Variants in IL1RAPL1 observed in about 807,000 individuals in gnomAD.
IL1RAPL1 encodes the protein interleukin-1 receptor accessory protein-like 1.
In IL1RAPL1, 3 loss-of-function variants were observed where a neutral mutation model predicts 48.4. The ratio of observed to expected loss-of-function variants is 0.06; its 90% CI spans 0.03 to 0.16. The LOEUF (loss-of-function observed/expected upper bound fraction) is 0.16, where lower values mean the gene tolerates loss of function less well. IL1RAPL1 is among the 10% of genes least tolerant of loss of function. The pLI, the probability that IL1RAPL1 is intolerant of heterozygous loss-of-function variation, is 1.00. For missense variants in IL1RAPL1, 349 were observed against 530.6 expected, an observed-to-expected ratio of 0.66 and a Z score of 3.36; for synonymous variants, 185 against 187.7, an observed-to-expected ratio of 0.99 and a Z score of 0.12.
chrX:29,799,177 G>A lies in IL1RAPL1; in HGVS notation c.779-118287G>A, dbSNP rs777851709. Reference sequence around the variant, plus strand: ...GAATTATTTAATAGAACAATTAAAAGTCAATACAAATGAAACAGCTACTTG... The same window carrying A: ...GAATTATTTAATAGAACAATTAAAAATCAATACAAATGAAACAGCTACTTG... On this transcript the variant is annotated intron_variant, in intron 6 of 10. Transcript: ENST00000378993. Among the ~76,000 whole-genome samples the A allele has an allele frequency of 2.0e-4, 23 of 112,387 alleles. 1 individual carries two copies. The South Asian group carries it at 6.2e-3, about 30-fold the overall frequency.
At chrX:28,645,202 T>C (rs2146900745) in intron 1 of IL1RAPL1, among the ~76,000 whole-genome samples, 1 of 106,002 alleles carries the variant, frequency 9.4e-6, no homozygotes, top group East Asian at 3.0e-4. Context: ...ACAAAATTAG[T>C]CGGGTATGGT....
chrX:29,571,058 A>T (rs1922577284), intron 5 of IL1RAPL1, among the ~76,000 whole-genome samples: 1 of 110,694 alleles, frequency 9.0e-6, no homozygotes, highest in African/African-American at 3.3e-5. Context: ...CGTCTCTACC[A>T]AAAAATACAA....
intron 6 of IL1RAPL1, among the ~76,000 whole-genome samples, chrX:29,706,393 A>T (rs1416410765): frequency 8.9e-6 from 1 of 111,918 alleles, no homozygotes; most frequent in Non-Finnish European, 1.9e-5. Context: ...CTCATCTGAG[A>T]CAAGGCAAGT....
chrX:29,297,078 A>G (rs894491062), intron 3 of IL1RAPL1, among the ~76,000 whole-genome samples: 1 of 112,094 alleles, frequency 8.9e-6, no homozygotes, highest in Non-Finnish European at 1.9e-5. Flanking sequence ...TGAAGGTCCC[A>G]AAAGACTGTT....
chrX:29,413,434 A>G (rs997641042), intron 5 of IL1RAPL1, among the ~76,000 whole-genome samples: 2 of 110,011 alleles, frequency 1.8e-5, no homozygotes, highest in African/African-American at 6.6e-5. Flanking sequence ...TACATGTGCC[A>G]TGTTGGTGTG....
At chrX:29,572,940 C>G (rs761631654) in intron 5 of IL1RAPL1, among the ~76,000 whole-genome samples, 1 of 112,163 alleles carries the variant, frequency 8.9e-6, no homozygotes, top group Non-Finnish European at 1.9e-5. Context: ...ATAGTGTTAT[C>G]TTAGTCTGTT....
At chrX:29,876,117 AAGG>A (rs752256121) in intron 6 of IL1RAPL1, among the ~76,000 whole-genome samples, 1 of 111,780 alleles carries the variant, frequency 8.9e-6, no homozygotes, top group East Asian at 2.8e-4. Context: ...CTAAACTCTG[AAGG>A]AGATCTGTTG....
At chrX:29,183,969 C>T (rs776224176) in intron 2 of IL1RAPL1, among the ~76,000 whole-genome samples, 2 of 111,874 alleles carry the variant, frequency 1.8e-5, no homozygotes, top group Non-Finnish European at 3.8e-5. Flanking sequence ...GGTGGGATTA[C>T]AGGAGTGGGC....
At chrX:29,008,874 A>T (rs1215304896) in intron 2 of IL1RAPL1, among the ~76,000 whole-genome samples, 1 of 110,863 alleles carries the variant, frequency 9.0e-6, no homozygotes, top group Admixed American at 9.5e-5. Flanking sequence ...CTTTATGCTC[A>T]TGAGTACCTA....
chrX:28,766,891 ATAGTAGTTCATTG>A lies in IL1RAPL1; in HGVS notation c.-24-22427_-24-22415del, dbSNP rs781146819. Among the ~76,000 whole-genome samples the A allele has an allele frequency of 4.0e-3, 444 of 111,544 alleles. 2 individuals are homozygous for A. Among genetic ancestry groups the A allele is most frequent in the African/African-American group, 0.014 (431 of 30,717 alleles). Reference sequence around the variant, plus strand: ...AAGATCTCTTTTTTTTTATGGCTGAATAGTAGTTCATTGTGTATATATACCACATTTTCTTTAT... The same window carrying A: ...AAGATCTCTTTTTTTTTATGGCTGAATGTATATATACCACATTTTCTTTAT... On this transcript the variant is annotated intron_variant, in intron 1 of 10. Coordinates refer to ENST00000378993, the MANE Select transcript of IL1RAPL1 (RefSeq NM_014271.4).
chrX:29,565,957 T>G (rs1025395862), intron 5 of IL1RAPL1, among the ~76,000 whole-genome samples: 6 of 111,145 alleles, frequency 5.4e-5, no homozygotes, highest in Non-Finnish European at 7.6e-5. Flanking sequence ...TGTTGTTGTT[T>G]TTTTTTTTTG....
intron 6 of IL1RAPL1, among the ~76,000 whole-genome samples, chrX:29,823,191 G>GT (rs1930658413): frequency 9.0e-6 from 1 of 111,572 alleles, no homozygotes. Flanking sequence ...TCTAGCCGCA[G>GT]TGTGTAAGAT....
At chrX:29,016,323 G>T (rs777890286) in intron 2 of IL1RAPL1, among the ~76,000 whole-genome samples, 1 of 111,602 alleles carries the variant, frequency 9.0e-6, no homozygotes, top group African/African-American at 3.2e-5. Flanking sequence ...AAAGTAAGCA[G>T]TATGACACAG....
At chrX:29,921,589 C>CATATACAAGGACAGAAGT (rs1336999609) in intron 8 of IL1RAPL1, among the ~76,000 whole-genome samples, 1 of 112,111 alleles carries the variant, frequency 8.9e-6, no homozygotes, top group Non-Finnish European at 1.9e-5. Context: ...AAATATCATA[C>CATATACAAGGACAGAAGT]ATATACAAGG....
At chrX:29,449,687 T>C (rs1485435664) in intron 5 of IL1RAPL1, among the ~76,000 whole-genome samples, 3 of 104,305 alleles carry the variant, frequency 2.9e-5, no homozygotes, top group Non-Finnish European at 5.8e-5. Context: ...CTGGTGAAGA[T>C]CAATAAAGAA....
chrX:29,895,634 C>A (rs183920786), intron 6 of IL1RAPL1, among the ~76,000 whole-genome samples: 53 of 113,069 alleles, frequency 4.7e-4, no homozygotes, highest in African/African-American at 1.3e-3. Flanking sequence ...CTTTTCTAAT[C>A]ATGCTTATTT....
At chrX:29,743,616 C>G (rs1928262424) in intron 6 of IL1RAPL1, among the ~76,000 whole-genome samples, 2 of 111,400 alleles carry the variant, frequency 1.8e-5, no homozygotes, top group South Asian at 7.5e-4. Flanking sequence ...TCCCGAGTAG[C>G]TGGGATTACA....
chrX:29,523,483 A>T (rs1054515013), intron 5 of IL1RAPL1, among the ~76,000 whole-genome samples: 1 of 111,975 alleles, frequency 8.9e-6, no homozygotes, highest in African/African-American at 3.2e-5. Context: ...ATTGAAAATA[A>T]AATTAATTTC....
At chrX:29,109,719 A>G (rs1479138805) in intron 2 of IL1RAPL1, among the ~76,000 whole-genome samples, 1 of 111,515 alleles carries the variant, frequency 9.0e-6, no homozygotes, top group Admixed American at 9.6e-5. Flanking sequence ...TCAAAAGAAT[A>G]TCTAAGTTCA....
Sources: gnomAD v4.1 joint callset for allele counts (sites outside exome capture counted in the v4.1 genomes callset) on GRCh38, gnomAD v4.1.1 for gene constraint, MANE v1.5 for transcripts, NCBI Gene and HGNC (gene_info 2026-07-23, HGNC 2026-07-21) for gene names.